ZFR2: variants seen among roughly 807,000 people sequenced by gnomAD.
ZFR2 encodes the protein zinc finger RNA-binding protein 2.
In ZFR2, 104 loss-of-function variants were observed where a neutral mutation model predicts 105.7. The observed-to-expected ratio is 0.98, with a 90% CI of 0.84 to 1.16. The LOEUF (loss-of-function observed/expected upper bound fraction) is 1.16, where lower values mean the gene tolerates loss of function less well. Ranked by LOEUF, ZFR2 falls within the 50% of genes most tolerant of loss-of-function variation. The pLI, the probability that ZFR2 is intolerant of heterozygous loss-of-function variation, is 0.00. For missense variants in ZFR2, 1,425 were observed against 1,355.5 expected, an observed-to-expected ratio of 1.05 and a Z score of -0.80; for synonymous variants, 634 against 597.7, an observed-to-expected ratio of 1.06 and a Z score of -0.89.
At chr19:3,811,428 G>A (rs35823419) in intron 14 of ZFR2, 62 bp from the exon 15 acceptor site, 27 of 1,486,814 alleles carry the variant, frequency 1.8e-5, no homozygotes, top group East Asian at 2.5e-5. Flanking sequence ...TGCTGCCGAC[G>A]GGGTGAGGGG....
chr19:3,846,603 TA>T (rs987462382), intron 1 of ZFR2, among the ~76,000 whole-genome samples: 2 of 152,158 alleles, frequency 1.3e-5, no homozygotes, highest in African/African-American at 2.4e-5. Flanking sequence ...CACGCATCTT[TA>T]AAAAAAGACT....
At chr19:3,837,263 C>T (rs921742503) in intron 1 of ZFR2, among the ~76,000 whole-genome samples, 1 of 152,240 alleles carries the variant, frequency 6.6e-6, no homozygotes, top group Non-Finnish European at 1.5e-5. Context: ...AGCATTTTCA[C>T]ACACTTGTCC....
chr19:3,821,102 A>C (rs1215180555), intron 10 of ZFR2, among the ~76,000 whole-genome samples: 1 of 152,034 alleles, frequency 6.6e-6, no homozygotes, highest in Non-Finnish European at 1.5e-5. Flanking sequence ...CCCTGCGTCT[A>C]CGGAGGCCCT....
At chr19:3,806,637 A>G (rs1185771970) in intron 18 of ZFR2, among the ~76,000 whole-genome samples, 2 of 151,990 alleles carry the variant, frequency 1.3e-5, no homozygotes, top group Non-Finnish European at 1.5e-5. Context: ...GCTGACCACA[A>G]GGACTGTCCC....
intron 1 of ZFR2, among the ~76,000 whole-genome samples, chr19:3,856,765 C>G (rs2038306575): frequency 6.6e-6 from 1 of 152,208 alleles, no homozygotes; most frequent in South Asian, 2.1e-4. Context: ...GAGTCTTGCT[C>G]TGTCGCCCAG....
chr19:3,851,333 AC>A (rs2038235633), intron 1 of ZFR2, among the ~76,000 whole-genome samples: 1 of 152,176 alleles, frequency 6.6e-6, no homozygotes, highest in South Asian at 2.1e-4. Flanking sequence ...GGGCCTGGGA[AC>A]AGCCAAGAGT....
chr19:3,836,571 A>G (rs2038077541), intron 1 of ZFR2, among the ~76,000 whole-genome samples: 1 of 152,200 alleles, frequency 6.6e-6, no homozygotes, highest in African/African-American at 2.4e-5. Flanking sequence ...AAGTCAGTCC[A>G]CCTGAGTATT....
Position 3,807,282 on chromosome 19 carries a change from G to T in ZFR2, c.2546-13C>A. The T allele has an allele frequency of 1.3e-6, 2 of 1,542,852 alleles. No individual in the cohort carries two copies. Among genetic ancestry groups the T allele is most frequent in the South Asian group, 1.2e-5 (1 of 83,940 alleles). On this transcript the variant is annotated splice_polypyrimidine_tract_variant and intron_variant, in intron 17 of 18. Transcript: ENST00000262961. ...AGCCCGGGCCCGTCTTTGTGACGGGGAGTGGGAACAGCAAAGAAGGCGAGA... is the reference window on the plus strand; with the variant it reads ...AGCCCGGGCCCGTCTTTGTGACGGGTAGTGGGAACAGCAAAGAAGGCGAGA...
At chr19:3,832,333 T>A (rs112289884) in intron 3 of ZFR2, among the ~76,000 whole-genome samples, 3,770 of 151,990 alleles carry the variant, frequency 0.025, 137 homozygotes, top group African/African-American at 0.085. Context: ...TATTATTTTT[T>A]TTTTTTTGAG....
At chr19:3,825,527 G>C in intron 6 of ZFR2, 120 bp from the exon 7 acceptor site, 1 of 1,296,212 alleles carries the variant, frequency 7.7e-7, no homozygotes, top group Non-Finnish European at 1.0e-6. Context: ...CGGTCCCAGG[G>C]ACCCCCCTCT....
Position 3,825,288 on chromosome 19 carries a change from A to G in ZFR2, c.1155T>C (p.Cys385=). Reference sequence around the variant, plus strand: ...TGGCCAGCGCTGGCCTGCTCGAGGCACACACGCTGGGGCCAGTGGGGGACG... The same window carrying G: ...TGGCCAGCGCTGGCCTGCTCGAGGCGCACACGCTGGGGCCAGTGGGGGACG... ...KPTSPTGPSV[C]ASSRPALAKR... The change falls in exon 7 of 19, where the codon TGT becomes TGC. Residue 385 remains cysteine (C), a synonymous_variant. Transcript: ENST00000262961. The G allele has an allele frequency of 6.3e-7, 1 of 1,577,594 alleles. No individual in the cohort carries two copies. The highest frequency in any genetic ancestry group is 8.6e-7 in the Non-Finnish European group (1 of 1,168,288).
At chr19:3,859,089 C>A (rs1254261722) in intron 1 of ZFR2, among the ~76,000 whole-genome samples, 2 of 152,104 alleles carry the variant, frequency 1.3e-5, no homozygotes, top group Admixed American at 6.5e-5. Context: ...GCAGACCCAC[C>A]CTCACTCTGG....
At chr19:3,857,531 CA>C (rs11289351) in intron 1 of ZFR2, among the ~76,000 whole-genome samples, 91,954 of 118,660 alleles carry the variant, frequency 0.77, 34,402 homozygotes, top group East Asian at 0.86. Context: ...ATGGTGTATA[CA>C]AAAAAAAAAA....
intron 17 of ZFR2, among the ~76,000 whole-genome samples, chr19:3,808,385 C>T (rs912761050): frequency 3.3e-5 from 5 of 152,256 alleles, no homozygotes; most frequent in African/African-American, 7.2e-5. Flanking sequence ...CACCCTTTTC[C>T]GTATCTGGCC....
chr19:3,842,430 A>G (rs576056112), intron 1 of ZFR2, among the ~76,000 whole-genome samples: 30 of 152,292 alleles, frequency 2.0e-4, no homozygotes, highest in Middle Eastern at 3.4e-3. Flanking sequence ...CTGTAGCTGT[A>G]TATAATTTTG....
At chr19:3,835,125 C>T (rs554606648) in intron 1 of ZFR2, 142 bp from the exon 2 acceptor site, 28 of 906,982 alleles carry the variant, frequency 3.1e-5, no homozygotes, top group African/African-American at 2.0e-4. Flanking sequence ...CAGGCACGGC[C>T]GGAAGCACTT....
rs1206554840 is a variant in ZFR2, at chr19:3,838,824, C to G, written c.54-3841G>C. ...ATACACTGCACGTCTGTCCACAGGC[C>G]GTCTCCTCCCTGGTCCCGATGCCCT... is the stretch of plus-strand genomic sequence containing the variant. On this transcript the variant is annotated intron_variant, in intron 1 of 18. Coordinates refer to ENST00000262961, the MANE Select transcript of ZFR2 (RefSeq NM_015174.2). This position sits in a 1 kb window ranked among gnomAD's most constrained non-coding sequence, Gnocchi z 4.9. Among the ~76,000 whole-genome samples, 1 of 152,144 alleles carries G rather than the reference C, an allele frequency of 6.6e-6. No homozygotes were observed. Among genetic ancestry groups the G allele is most frequent in the East Asian group, 1.9e-4 (1 of 5,192 alleles).
chr19:3,814,338 C>T (rs2037803010), intron 13 of ZFR2, among the ~76,000 whole-genome samples: 1 of 152,212 alleles, frequency 6.6e-6, no homozygotes, highest in Non-Finnish European at 1.5e-5. Context: ...CACATTACCC[C>T]ATAGTCAGGG....
At chr19:3,845,133 G>A (rs923650070) in intron 1 of ZFR2, among the ~76,000 whole-genome samples, 2 of 152,158 alleles carry the variant, frequency 1.3e-5, no homozygotes, top group African/African-American at 2.4e-5. Context: ...CCCTCTGTGC[G>A]TGTCTGTGTT....
Sources: allele counts gnomAD v4.1 joint callset (sites outside exome capture counted in the v4.1 genomes callset), GRCh38; gene constraint gnomAD v4.1.1; non-coding constraint Gnocchi (gnomAD v3.1); transcripts MANE v1.5; gene names NCBI Gene and HGNC (gene_info 2026-07-23, HGNC 2026-07-21).